Variants in MORC2 observed in about 807,000 individuals in gnomAD.
MORC2 encodes MORC family CW-type zinc finger 2, also known as ATPase MORC2.
MORC2 carries 30 observed loss-of-function variants against 136.0 expected under a neutral mutation model. That is an observed-to-expected ratio of 0.22 (90% confidence interval 0.17 to 0.30). The LOEUF is 0.30. Ranked by LOEUF, MORC2 falls within the 10% of genes least tolerant of loss-of-function variation. MORC2 has a pLI of 1.00. For missense variants in MORC2, 922 were observed against 1,333.1 expected (o/e 0.69, Z 4.80); for synonymous variants, 439 against 487.0 (o/e 0.90, Z 1.30).
In MORC2 at chr22:30,937,507, G is replaced by A. The variant is rs2040671455; in HGVS notation, c.1498+76C>T. ...TCCATGAATGTCAGTCAAGTTAGGA[G>A]GCTGGCAGGAAGATAGAGAAAAGAG... On this transcript the variant is annotated intron_variant, in intron 15 of 25. Transcript: ENST00000397641. The surrounding 1 kb of genome is among the most constrained non-coding windows in gnomAD (Gnocchi z 4.7). 1 of 1,565,640 alleles carries A rather than the reference G, an allele frequency of 6.4e-7. No individual in the cohort carries two copies. Among genetic ancestry groups the A allele is most frequent in the African/African-American group, 1.4e-5 (1 of 73,614 alleles).
chr22:30,943,616 C>A (rs1253675769), intron 6 of MORC2, among the ~76,000 whole-genome samples: 1 of 152,204 alleles, frequency 6.6e-6, no homozygotes, highest in African/African-American at 2.4e-5. Context: ...ATTTCCTCTG[C>A]AGAGCAGGCC....
chr22:30,927,160 T>A (rs1425481359), intron 25 of MORC2, among the ~76,000 whole-genome samples: 1 of 152,068 alleles, frequency 6.6e-6, no homozygotes, highest in Admixed American at 6.5e-5. Context: ...CTTCTCTCCC[T>A]TCTCTGTCAC....
chr22:30,951,229 G>A (rs750779184), intron 3 of MORC2, among the ~76,000 whole-genome samples: 6 of 152,310 alleles, frequency 3.9e-5, no homozygotes, highest in Admixed American at 2.0e-4. Context: ...AACAAACTAC[G>A]GCTGCCATTC....
intron 2 of MORC2, 102 bp downstream of exon 2, chr22:30,958,539 T>G: frequency 1.2e-6 from 1 of 839,290 alleles, no homozygotes; most frequent in Non-Finnish European, 1.8e-6. Flanking sequence ...ATGTCTACAT[T>G]CTACAGAAAT....
In MORC2 at chr22:30,932,320, G is replaced by C. The variant is rs373904874; in HGVS notation, c.2841+39C>G. On this transcript the variant is annotated intron_variant, in intron 24 of 25. Transcript: ENST00000397641. The surrounding 1 kb of genome is among the most constrained non-coding windows in gnomAD (Gnocchi z 4.4). ...AACAAATGCAGGGGCAGGGGTGGGG[G>C]AATGAAGAGTGTGGAATCGAAGGTC... The C allele has an allele frequency of 3.4e-6, 5 of 1,487,950 alleles. No homozygotes were observed. Among genetic ancestry groups the C allele is most frequent in the Non-Finnish European group, 3.7e-6 (4 of 1,073,094 alleles). The allele number at this position is 1,487,950 out of a possible 1,614,324, so 92.2% of individuals were successfully genotyped here.
intron 1 of MORC2, chr22:30,967,563 A>G: frequency 7.7e-7 from 1 of 1,296,872 alleles, no homozygotes; most frequent in Non-Finnish European, 9.8e-7. Flanking sequence ...ACAACTCAAC[A>G]TATTGACTTC....
At chr22:30,940,653 G>A (rs182010666) in intron 10 of MORC2, 105 bp downstream of exon 10, 22 of 950,636 alleles carry the variant, frequency 2.3e-5, no homozygotes, top group Admixed American at 5.1e-5. Context: ...GACCAGCCTT[G>A]TCCCTGAGTT....
chr22:30,962,444 A>C (rs1288891022), intron 1 of MORC2, among the ~76,000 whole-genome samples: 3 of 151,864 alleles, frequency 2.0e-5, no homozygotes, highest in Admixed American at 6.6e-5. Flanking sequence ...ATAATAAATA[A>C]ATAAGCCAGG....
Position 30,925,718 on chromosome 22 carries a change from T to C in MORC2, c.*1085A>G, listed in dbSNP as rs1165481320. Reference sequence around the variant, plus strand: ...CTTCCAATGGCCATTAAAGAGAAAATTCAGCAACGCTTGCCTTTGTCTTTG... The same window carrying C: ...CTTCCAATGGCCATTAAAGAGAAAACTCAGCAACGCTTGCCTTTGTCTTTG... On this transcript the variant is annotated 3_prime_UTR_variant, in exon 26 of 26. Coordinates refer to ENST00000397641, the MANE Select transcript of MORC2 (RefSeq NM_001303256.3). 6.5e-6 allele frequency: 1 copy of C among 153,554 alleles called. No individual in the cohort carries two copies. Among genetic ancestry groups the C allele is most frequent in the Non-Finnish European group, 1.5e-5 (1 of 68,028 alleles). 9.5% of individuals were successfully genotyped at this position (153,554 alleles called of 1,614,324 possible). A position where few individuals can be genotyped will look rare whatever the true frequency, so the allele number is the denominator to read the frequency against.
In MORC2 at chr22:30,937,168, C is replaced by A; in HGVS notation, c.1499-131G>T. 2 of 682,704 alleles carry A rather than the reference C, an allele frequency of 2.9e-6. No homozygotes were observed. Among genetic ancestry groups the A allele is most frequent in the Non-Finnish European group, 5.2e-6 (2 of 382,872 alleles). 42.3% of individuals were successfully genotyped at this position (682,704 alleles called of 1,614,324 possible). The stretch of plus-strand genomic sequence containing the variant: ...AAAGATCTTCACTCGGGCTCCAACT[C>A]TGCCTATCCTTAGAGAATACTAATT... On this transcript the variant is annotated intron_variant, in intron 15 of 25. Coordinates refer to ENST00000397641, the MANE Select transcript of MORC2 (RefSeq NM_001303256.3). The surrounding 1 kb of genome is among the most constrained non-coding windows in gnomAD (Gnocchi z 4.7).
rs750433180 is a variant in MORC2 at position 30,934,010 on chromosome 22, C to CT, written c.2325+49dup. 1 of 1,608,448 alleles carries CT rather than the reference C, an allele frequency of 6.2e-7. No homozygotes were observed. The highest frequency in any genetic ancestry group is 1.7e-5 in the Admixed American group (1 of 59,816). On this transcript the variant is annotated intron_variant, in intron 20 of 25. Transcript: ENST00000397641. This position sits in a 1 kb window ranked among gnomAD's most constrained non-coding sequence, Gnocchi z 4.4. ...GGGGGGTGCAGACTGCTGGTGGGGG[C>CT]TGCAGGCCCTAGAGAGAGAGGCTTT...
At chr22:30,928,293 C>G in intron 24 of MORC2, 86 bp from the exon 25 acceptor site, 2 of 1,352,240 alleles carry the variant, frequency 1.5e-6, no homozygotes, top group South Asian at 2.4e-5. Context: ...GTCTCCAGCC[C>G]GCTTTACCCA....
chr22:30,928,252 G>A (rs770208823), intron 24 of MORC2, 45 bp from the exon 25 acceptor site: 1 of 1,606,838 alleles, frequency 6.2e-7, no homozygotes, highest in Non-Finnish European at 8.5e-7. Flanking sequence ...GTTCACAGGG[G>A]TCCCCAGGGC....
At chr22:30,940,120 G>A (rs1178022701) in intron 10 of MORC2, 79 bp from the exon 11 acceptor site, 2 of 1,388,154 alleles carry the variant, frequency 1.4e-6, no homozygotes, top group Admixed American at 3.7e-5. Context: ...CACAGTACTG[G>A]ACACGAAGTG....
intron 4 of MORC2, 26 bp downstream of exon 4, chr22:30,950,351 C>CCCA: frequency 1.4e-6 from 2 of 1,380,280 alleles, no homozygotes; most frequent in Non-Finnish European, 1.0e-6. Context: ...CCCCCCACCC[C>CCCA]CCAAAACAAT....
At chr22:30,955,445 A>G (rs540178982) in intron 3 of MORC2, among the ~76,000 whole-genome samples, 3 of 152,310 alleles carry the variant, frequency 2.0e-5, no homozygotes, top group Admixed American at 2.0e-4. Context: ...TCTTTGCTCC[A>G]AAGTATAGCA....
rs2040655711 is a variant in MORC2 at position 30,936,610 on chromosome 22, G to A, written c.1638C>T (p.Pro546=). 3 of 1,613,944 alleles carry A rather than the reference G, an allele frequency of 1.9e-6. No homozygotes were observed. The highest frequency in any genetic ancestry group is 1.3e-5 in the African/African-American group (1 of 74,872). Residue 546 remains proline (P), a synonymous_variant, in exon 17 of 26, where the codon CCC becomes CCT. Transcript: ENST00000397641. ...CEASEQKQKV[P]LGTFRKDMKT... is the part of the protein sequence containing the mutation. ...TCATGTCCTTTCTGAATGTTCCCAG[G>A]GGAACCTTCTGCTTTTGTTCAGAAG... is the stretch of plus-strand genomic sequence containing the variant.
chr22:30,930,207 A>G (rs946737343), intron 24 of MORC2, among the ~76,000 whole-genome samples: 2 of 152,134 alleles, frequency 1.3e-5, no homozygotes, highest in African/African-American at 4.8e-5. Context: ...CCAGGCATTC[A>G]AGCCCACTGC....
In MORC2 at chr22:30,937,358, G is replaced by A. The variant is rs1238191901; in HGVS notation, c.1498+225C>T. Among the ~76,000 whole-genome samples the A allele has an allele frequency of 6.6e-6, 1 of 152,144 alleles. No individual in the cohort carries two copies. The highest frequency in any genetic ancestry group is 6.5e-5 in the Admixed American group (1 of 15,280). ...TGAGCCTGGCCTGGCTGCAGCTGGA[G>A]AGGCCTGGGAGGACAGATGACCTTC... On this transcript the variant is annotated intron_variant, in intron 15 of 25. Coordinates refer to ENST00000397641, the MANE Select transcript of MORC2 (RefSeq NM_001303256.3). The surrounding 1 kb of genome is among the most constrained non-coding windows in gnomAD (Gnocchi z 4.7).
Sources: gnomAD v4.1 joint callset for allele counts (sites outside exome capture counted in the v4.1 genomes callset) on GRCh38, gnomAD v4.1.1 for gene constraint, Gnocchi (gnomAD v3.1) non-coding constraint, MANE v1.5 for transcripts, NCBI Gene and HGNC (gene_info 2026-07-23, HGNC 2026-07-21) for gene names.